CSMD2: variants seen among roughly 807,000 people sequenced by gnomAD.
The protein encoded by CSMD2 is CUB and sushi domain-containing protein 2.
A neutral mutation model predicts 398.5 loss-of-function variants in CSMD2; 130 were observed. That is an observed-to-expected ratio of 0.33 (90% CI 0.28 to 0.38). The LOEUF (loss-of-function observed/expected upper bound fraction) is 0.38. CSMD2 is among the 10% of genes least tolerant of loss of function. The pLI, the probability that CSMD2 is intolerant of heterozygous loss-of-function variation, is 1.00. For missense variants in CSMD2, 3,829 were observed against 4,764.9 expected (o/e 0.80, Z 5.78); for synonymous variants, 1,828 against 1,908.5 (o/e 0.96, Z 1.10).
chr1:34,106,774 C>T (rs890182016), intron 1 of CSMD2, among the ~76,000 whole-genome samples: 3 of 152,178 alleles, frequency 2.0e-5, no homozygotes, highest in Non-Finnish European at 4.4e-5. Context: ...TGGGGTGAAG[C>T]AGCAAGCCTG....
At chr1:33,796,902 T>C (rs1655019340) in intron 10 of CSMD2, among the ~76,000 whole-genome samples, 1 of 152,176 alleles carries the variant, frequency 6.6e-6, no homozygotes, top group African/African-American at 2.4e-5. Context: ...TCTGGGAGTG[T>C]CTGTCTTATG....
Position 33,810,882 on chromosome 1 carries a change from G to T in CSMD2, c.1325-18C>A, listed in dbSNP as rs1409824460. The T allele has an allele frequency of 6.2e-7, 1 of 1,607,536 alleles. No individual in the cohort carries two copies. On this transcript the variant is annotated intron_variant, in intron 9 of 70. Coordinates refer to ENST00000373381, the MANE Select transcript of CSMD2 (RefSeq NM_001281956.2). ...CATGCGGGCTGCAGAGGAGATGAAA[G>T]ACAAGCCTTTGAATTAAGACTAGGT...
intron 22 of CSMD2, among the ~76,000 whole-genome samples, chr1:33,702,551 T>A (rs1397967981): frequency 6.6e-6 from 1 of 152,202 alleles, no homozygotes; most frequent in Admixed American, 6.5e-5. Context: ...TCTATGCATT[T>A]ATTTCCTTGC....
intron 22 of CSMD2, among the ~76,000 whole-genome samples, chr1:33,707,695 GCACACACACACACACACACACACACA>G (rs200504764): frequency 4.3e-5 from 4 of 92,032 alleles, no homozygotes; most frequent in African/African-American, 1.2e-4. Flanking sequence ...GCGCGCGCGC[GCACACACACACACACACACACACACA>G]CACACACACA....
chr1:33,865,204 TG>T (rs1158302405), intron 5 of CSMD2, among the ~76,000 whole-genome samples: 4 of 151,538 alleles, frequency 2.6e-5, no homozygotes, highest in African/African-American at 9.7e-5. Context: ...GTGGCAGGAC[TG>T]GGAAGACTGC....
intron 51 of CSMD2, among the ~76,000 whole-genome samples, chr1:33,570,818 C>T (rs1659528144): frequency 6.6e-6 from 1 of 152,142 alleles, no homozygotes; most frequent in African/African-American, 2.4e-5. Context: ...TCCCTTGCTC[C>T]AACTTGTGAC....
At chr1:33,669,497 GT>G (rs1644421241) in intron 25 of CSMD2, among the ~76,000 whole-genome samples, 1 of 152,144 alleles carries the variant, frequency 6.6e-6, no homozygotes, top group Admixed American at 6.5e-5. Flanking sequence ...GACACACCAA[GT>G]CCCCCCTGGG....
At chr1:33,983,130 G>T (rs897177870) in intron 3 of CSMD2, among the ~76,000 whole-genome samples, 1 of 152,156 alleles carries the variant, frequency 6.6e-6, no homozygotes, top group Non-Finnish European at 1.5e-5. Flanking sequence ...TCCCTTAGGG[G>T]TCTACAGTTA....
At chr1:34,001,270 G>A (rs988021255) in intron 3 of CSMD2, among the ~76,000 whole-genome samples, 4 of 151,966 alleles carry the variant, frequency 2.6e-5, no homozygotes, top group Non-Finnish European at 5.9e-5. Context: ...AGATATAATC[G>A]ACAAAAACAT....
At chr1:33,986,644 G>A (rs1164710204) in intron 3 of CSMD2, among the ~76,000 whole-genome samples, 1 of 152,180 alleles carries the variant, frequency 6.6e-6, no homozygotes, top group Non-Finnish European at 1.5e-5. Context: ...TGTCTGTGCT[G>A]TATTTGCTAA....
At chr1:33,653,994 T>C (rs1265962750) in intron 27 of CSMD2, among the ~76,000 whole-genome samples, 1 of 152,184 alleles carries the variant, frequency 6.6e-6, no homozygotes, top group Non-Finnish European at 1.5e-5. Flanking sequence ...CCTCTGGCTG[T>C]GGCTTTTACT....
chr1:34,165,261 C>A (rs1641782606), upstream of CSMD2: 2 of 1,184,484 alleles, frequency 1.7e-6, no homozygotes, highest in Non-Finnish European at 2.1e-6. Context: ...CGGGGAGAGG[C>A]GCGCTGCGCT....
chr1:33,546,497 G>A (rs1414288333), intron 56 of CSMD2, among the ~76,000 whole-genome samples: 4 of 152,202 alleles, frequency 2.6e-5, no homozygotes, highest in African/African-American at 9.7e-5. Flanking sequence ...GAATTTCAGT[G>A]ATCCAAACTG....
At chr1:33,948,767 G>A (rs1465713489) in intron 3 of CSMD2, among the ~76,000 whole-genome samples, 1 of 152,218 alleles carries the variant, frequency 6.6e-6, no homozygotes, top group Admixed American at 6.5e-5. Context: ...TTGTGTTTAA[G>A]CTCCTGTTTT....
intron 25 of CSMD2, among the ~76,000 whole-genome samples, chr1:33,677,131 G>A (rs1271918272): frequency 6.6e-6 from 1 of 152,174 alleles, no homozygotes; most frequent in Admixed American, 6.5e-5. Flanking sequence ...AAACTAAAGA[G>A]CTTCTGCACA....
chr1:33,875,080 C>T (rs1022974906), intron 5 of CSMD2, among the ~76,000 whole-genome samples: 2 of 152,184 alleles, frequency 1.3e-5, no homozygotes, highest in African/African-American at 2.4e-5. Context: ...CATCTAGCCC[C>T]CACTCCCACC....
intron 13 of CSMD2, among the ~76,000 whole-genome samples, chr1:33,749,756 A>G (rs1455005352): frequency 6.6e-6 from 1 of 152,254 alleles, no homozygotes; most frequent in Non-Finnish European, 1.5e-5. Flanking sequence ...TGAAATATGG[A>G]TAAGATGGAG....
chr1:34,138,687 A>G (rs1638991035), intron 1 of CSMD2, among the ~76,000 whole-genome samples: 1 of 152,332 alleles, frequency 6.6e-6, no homozygotes, highest in African/African-American at 2.4e-5. Context: ...ATATATGAAT[A>G]TTTTAAAGGC....
chr1:33,906,318 C>G (rs1179607463), intron 5 of CSMD2, among the ~76,000 whole-genome samples: 1 of 152,232 alleles, frequency 6.6e-6, no homozygotes, highest in African/African-American at 2.4e-5. Context: ...CTGTAGACAA[C>G]AGAAGATGAT....
Sources: gnomAD v4.1 joint callset for allele counts (sites outside exome capture counted in the v4.1 genomes callset) on GRCh38, gnomAD v4.1.1 for gene constraint, MANE v1.5 for transcripts, NCBI Gene and HGNC (gene_info 2026-07-23, HGNC 2026-07-21) for gene names.